VPS54: variants seen among roughly 807,000 people sequenced by gnomAD.
The protein encoded by VPS54 is VPS54 subunit of GARP complex.
Under a neutral mutation model 121.5 loss-of-function variants are expected in VPS54, and 45 were observed. That is an observed-to-expected ratio of 0.37 (90% CI 0.29 to 0.47). The LOEUF (loss-of-function observed/expected upper bound fraction) is 0.47. VPS54 is among the 20% of genes least tolerant of loss of function. The probability of loss-of-function intolerance (pLI) is 0.99; values close to 1 mark genes in which losing one functional copy is unlikely to be tolerated. For missense variants in VPS54, 1,090 were observed against 1,131.4 expected (o/e 0.96, Z 0.52); for synonymous variants, 371 against 385.8 (o/e 0.96, Z 0.45).
rs764868090 is a variant in VPS54, at chr2:63,972,169, G to C, written c.454C>G (p.His152Asp). 2.6e-6 allele frequency: 4 copies of C among 1,566,230 alleles called. No homozygotes were observed. In the South Asian group the frequency reaches 4.8e-5, roughly 19 times the overall value. The change falls in exon 4 of 23, where the codon CAT becomes GAT. Residue 152 changes from histidine to aspartate, a missense_variant. By Grantham distance (81) the His-to-Asp change is moderately conservative. Around this residue, in one of 2 missense-constraint regions of VPS54, gnomAD observed 801 missense variants for 757.0 expected, o/e 1.06. Coordinates refer to ENST00000272322, the MANE Select transcript of VPS54 (RefSeq NM_016516.3). Reference protein sequence around the residue: ...DTFERTLLHTHDKSRTDLEQV... With the variant: ...DTFERTLLHTDDKSRTDLEQV... ...TATAAATAACACATATTCATACCAT[G>C]AGTATGTAAAAGAGTCCTTTCGAAG...
Position 63,892,172 on chromosome 2 carries a change from T to TAGAC in VPS54, c.*1254_*1257dup, listed in dbSNP as rs1672245778. On this transcript the variant is annotated 3_prime_UTR_variant, in exon 23 of 23. Transcript: ENST00000272322. ...CTGTTAATTTTTTACAGCTTTATTT[T>TAGAC]AGACAGATAGTTTAAGAACCAAAGA... 2 of 152,238 alleles carry TAGAC rather than the reference T, an allele frequency of 1.3e-5. No individual in the cohort carries two copies. The highest frequency in any genetic ancestry group is 1.5e-5 in the Non-Finnish European group (1 of 68,042). 9.4% of individuals were successfully genotyped at this position (152,238 alleles called of 1,614,324 possible).
rs996353141 is a variant in VPS54 at position 63,895,890 on chromosome 2, G to C, written c.2828+1606C>G. On this transcript the variant is annotated intron_variant, in intron 22 of 22. Coordinates refer to ENST00000272322, the MANE Select transcript of VPS54 (RefSeq NM_016516.3). ...AGTAACAGCTAACGAGTTAGCTTGGGTGCTTCAGAACTACTGGTCTACAAA... is the reference window on the plus strand; with the variant it reads ...AGTAACAGCTAACGAGTTAGCTTGGCTGCTTCAGAACTACTGGTCTACAAA... Among the ~76,000 whole-genome samples, 5 of 152,162 alleles carry C rather than the reference G, an allele frequency of 3.3e-5. No homozygotes were observed. In the East Asian group the frequency reaches 7.7e-4, roughly 23 times the overall value.
At chr2:63,975,674 G>A (rs955089190) in intron 3 of VPS54, 1 of 152,146 alleles carries the variant, frequency 6.6e-6, no homozygotes, top group Non-Finnish European at 1.5e-5. Context: ...CCGGCTCACT[G>A]GATTCCCCTT....
At chr2:63,898,914 G>A (rs1409636313) in intron 21 of VPS54, among the ~76,000 whole-genome samples, 1 of 152,138 alleles carries the variant, frequency 6.6e-6, no homozygotes, top group Non-Finnish European at 1.5e-5. Flanking sequence ...ACTTTTGTAA[G>A]GGAATACAGT....
At chr2:64,016,875 G>GAC (rs1678723178) in intron 1 of VPS54, among the ~76,000 whole-genome samples, 2 of 151,932 alleles carry the variant, frequency 1.3e-5, no homozygotes, top group African/African-American at 2.4e-5. Flanking sequence ...TCCCAAAGTG[G>GAC]TGGGATTACA....
intron 6 of VPS54, among the ~76,000 whole-genome samples, chr2:63,964,972 G>T (rs927539618): frequency 6.6e-6 from 1 of 152,282 alleles, no homozygotes; most frequent in South Asian, 2.1e-4. Context: ...TGACTTTCAA[G>T]GTGCTGACTT....
chr2:63,966,015 C>G (rs1019860829), intron 5 of VPS54, 49 bp from the exon 6 acceptor site: 1 of 1,556,212 alleles, frequency 6.4e-7, no homozygotes, highest in African/African-American at 1.4e-5. Flanking sequence ...TTTCTTTATA[C>G]CCATTATCTC....
rs1342551977 is a variant in VPS54, at chr2:63,962,150, T to C, written c.918A>G (p.Leu306=). The change falls in exon 7 of 23, where the codon TTA becomes TTG. Residue 306 remains leucine, a synonymous_variant. Coordinates refer to ENST00000272322, the MANE Select transcript of VPS54 (RefSeq NM_016516.3). ...VHQTQPTVQV[L]LSTSEFVGAL... ...CTCCAACAAATTCAGAAGTAGATAA[T>C]AACACCTGTACTGTAGGCTGAGTCT... 2 of 1,610,434 alleles carry C rather than the reference T, an allele frequency of 1.2e-6. No individual in the cohort carries two copies. Among genetic ancestry groups the C allele is most frequent in the African/African-American group, 2.7e-5 (2 of 74,860 alleles).
intron 12 of VPS54, among the ~76,000 whole-genome samples, chr2:63,922,933 T>A (rs566538925): frequency 6.9e-4 from 99 of 143,916 alleles, no homozygotes; most frequent in African/African-American, 2.2e-3. Context: ...CTCAAGTCCT[T>A]AAAAAAAAAA....
intron 1 of VPS54, among the ~76,000 whole-genome samples, chr2:63,998,711 C>T (rs898836237): frequency 1.3e-5 from 2 of 152,102 alleles, no homozygotes; most frequent in South Asian, 4.1e-4. Flanking sequence ...TATGTCCCCC[C>T]ACTTTATAGC....
chr2:63,893,651 C>T, intron 22 of VPS54, 116 bp from the exon 23 acceptor site: 1 of 832,004 alleles, frequency 1.2e-6, no homozygotes, highest in Non-Finnish European at 1.8e-6. Context: ...TTCTTAGTGC[C>T]CAAGTGTCCA....
intron 5 of VPS54, among the ~76,000 whole-genome samples, chr2:63,968,484 G>A (rs1676115418): frequency 6.6e-6 from 1 of 151,698 alleles, no homozygotes; most frequent in Non-Finnish European, 1.5e-5. Flanking sequence ...GGCTGAGGTG[G>A]ACGGATCACT....
At chr2:63,944,901 G>T (rs987402052) in intron 9 of VPS54, among the ~76,000 whole-genome samples, 4 of 152,144 alleles carry the variant, frequency 2.6e-5, no homozygotes, top group Non-Finnish European at 5.9e-5. Flanking sequence ...GTGCTGGCAA[G>T]GTTGTAGAGA....
chr2:63,972,360 A>T, intron 3 of VPS54, 116 bp from the exon 4 acceptor site: 2 of 635,944 alleles, frequency 3.1e-6, no homozygotes, highest in Non-Finnish European at 5.2e-6. Context: ...GACTTTTAAT[A>T]TGAAATCACT....
intron 20 of VPS54, among the ~76,000 whole-genome samples, chr2:63,911,519 T>C (rs1349825276): frequency 5.3e-5 from 8 of 152,144 alleles, no homozygotes; most frequent in East Asian, 3.8e-4. Context: ...TCTCTCATGA[T>C]TGAACAGTGG....
At chr2:64,009,801 G>C (rs926851829) in intron 1 of VPS54, among the ~76,000 whole-genome samples, 9 of 150,804 alleles carry the variant, frequency 6.0e-5, no homozygotes, top group Non-Finnish European at 1.0e-4. Flanking sequence ...GCAGTGGAGA[G>C]AGGCCATTTC....
chr2:63,983,983 C>T lies in VPS54; in HGVS notation c.17G>A (p.Ser6Asn), dbSNP rs776968097. Residue 6 changes from serine (S) to asparagine (N), a missense_variant, in exon 2 of 23, where the codon AGT (serine) becomes AAT (asparagine). Physicochemically the swap from Ser to Asn is conservative, Grantham distance 46. Transcript: ENST00000272322. The stretch of plus-strand genomic sequence containing the variant: ...GCTTCCTTGAGGCACTGGTGAAGAA[C>T]TGTGGCTTGAAGCCATTGCATAAAA... MASSH[S>N]SSPVPQGSSS... 4.3e-6 allele frequency: 7 copies of T among 1,611,492 alleles called. No individual in the cohort carries two copies. In the South Asian group the frequency reaches 6.6e-5, roughly 15 times the overall value.
intron 22 of VPS54, among the ~76,000 whole-genome samples, chr2:63,896,986 G>A (rs369715928): frequency 3.3e-5 from 5 of 152,090 alleles, no homozygotes; most frequent in African/African-American, 1.2e-4. Flanking sequence ...CAAGTTTTCA[G>A]ATTCTAAGTC....
chr2:63,912,812 TATTTC>T (rs1673211606), intron 18 of VPS54, 151 bp from the exon 19 acceptor site: 4 of 970,392 alleles, frequency 4.1e-6, no homozygotes, highest in African/African-American at 1.7e-5. Flanking sequence ...GAAGGCAACA[TATTTC>T]ATTTTGTCTA....
Sources: allele counts gnomAD v4.1 joint callset (sites outside exome capture counted in the v4.1 genomes callset), GRCh38; gene constraint gnomAD v4.1.1; regional missense constraint gnomAD v4.1.1; transcripts MANE v1.5; gene names NCBI Gene and HGNC (gene_info 2026-07-23, HGNC 2026-07-21).